FBXO25: variants seen among roughly 807,000 people sequenced by gnomAD.
FBXO25 encodes the protein F-box protein 25.
FBXO25 carries 45 observed loss-of-function variants against 51.9 expected under a neutral mutation model. The observed-to-expected ratio is 0.87, with a 90% CI of 0.68 to 1.11. The LOEUF is 1.11. Ranked by LOEUF, FBXO25 falls within the 50% of genes most tolerant of loss-of-function variation. The pLI, the probability that FBXO25 is intolerant of heterozygous loss-of-function variation, is 0.00. For missense variants in FBXO25, 507 were observed against 428.5 expected (o/e 1.18, Z -1.62); for synonymous variants, 199 against 151.0 (o/e 1.32, Z -2.33).
In FBXO25 at chr8:469,969, C is replaced by G. The variant is rs1800424963; in HGVS notation, c.*1165C>G. On this transcript the variant is annotated 3_prime_UTR_variant, in exon 10 of 10. Coordinates refer to ENST00000350302, the MANE Select transcript of FBXO25 (RefSeq NM_183420.2). The stretch of plus-strand genomic sequence containing the variant: ...GCATTTATTTGTCAAATTATAGTTT[C>G]TCCTGAGGCGATGCAAATACCTGGG... 6.6e-6 allele frequency: 1 copy of G among 152,184 alleles called. No homozygotes were observed. The highest frequency in any genetic ancestry group is 1.5e-5 in the Non-Finnish European group (1 of 68,026). The allele number at this position is 152,184 out of a possible 1,614,324, so 9.4% of individuals were successfully genotyped here.
intron 2 of FBXO25, among the ~76,000 whole-genome samples, chr8:414,875 T>G (rs942335929): frequency 2.0e-5 from 3 of 152,206 alleles, no homozygotes; most frequent in Non-Finnish European, 4.4e-5. Context: ...TCCCCCGCCC[T>G]GCTTCCTACT....
chr8:410,012 C>T (rs981119511), intron 1 of FBXO25, among the ~76,000 whole-genome samples: 10 of 152,156 alleles, frequency 6.6e-5, no homozygotes, highest in African/African-American at 1.4e-4. Context: ...TACTTATTCA[C>T]CCACCATTCC....
At chr8:442,287 ATT>A (rs57747775) in intron 5 of FBXO25, among the ~76,000 whole-genome samples, 70 of 149,012 alleles carry the variant, frequency 4.7e-4, no homozygotes, top group Non-Finnish European at 5.1e-4. Context: ...TACTCCAATT[ATT>A]TTTTTTTTTT....
In FBXO25 at chr8:476,893, G is replaced by C. The variant is rs958141762; in HGVS notation, c.*8089G>C. ...TCTAGTTCTTTCAGATGTAAATTTA[G>C]GGTTGACTTGAGATCTTAATTTGTT... On this transcript the variant is annotated 3_prime_UTR_variant, in exon 10 of 10. Coordinates refer to ENST00000350302, the MANE Select transcript of FBXO25 (RefSeq NM_183420.2). 7 of 151,980 alleles carry C rather than the reference G, an allele frequency of 4.6e-5. No homozygotes were observed. Among genetic ancestry groups the C allele is most frequent in the African/African-American group, 1.5e-4 (6 of 41,362 alleles). 9.4% of individuals were successfully genotyped at this position (151,980 alleles called of 1,614,324 possible).
chr8:466,190 G>A (rs567586341), intron 9 of FBXO25, among the ~76,000 whole-genome samples: 1 of 152,238 alleles, frequency 6.6e-6, no homozygotes, highest in Non-Finnish European at 1.5e-5. Flanking sequence ...AACCCCTCAA[G>A]ATGTCAGGTA....
Position 470,546 on chromosome 8 carries a change from T to C in FBXO25, c.*1742T>C, listed in dbSNP as rs1295012058. The C allele has an allele frequency of 6.6e-6, 1 of 151,632 alleles. No individual in the cohort carries two copies. The allele number at this position is 151,632 out of a possible 1,614,324, so 9.4% of individuals were successfully genotyped here. ...AGGCATATACCACCATGCTCAGCTGTTTTTTTGTATTTTTAGTAGAGATGG... is the reference window on the plus strand; with the variant it reads ...AGGCATATACCACCATGCTCAGCTGCTTTTTTGTATTTTTAGTAGAGATGG... On this transcript the variant is annotated 3_prime_UTR_variant, in exon 10 of 10. Transcript: ENST00000350302.
Position 474,802 on chromosome 8 carries a change from C to T in FBXO25, c.*5998C>T. 2.3e-6 allele frequency: 1 copy of T among 429,566 alleles called. No homozygotes were observed. The highest frequency in any genetic ancestry group is 1.7e-5 in the South Asian group (1 of 58,828). 26.6% of individuals were successfully genotyped at this position (429,566 alleles called of 1,614,324 possible). A position where few individuals can be genotyped will look rare whatever the true frequency, so the allele number is the denominator to read the frequency against. On this transcript the variant is annotated 3_prime_UTR_variant, in exon 10 of 10. Transcript: ENST00000350302. ...GTCCCATTCCGTGGATTGCCTTTCA[C>T]TCTGTTTTGTTCTTTGATGTACAGA...
intron 8 of FBXO25, among the ~76,000 whole-genome samples, chr8:461,423 C>T (rs909507630): frequency 2.0e-5 from 3 of 152,232 alleles, no homozygotes; most frequent in Non-Finnish European, 4.4e-5. Context: ...TCCTACATGG[C>T]AGCAGGCAAG....
At chr8:467,041 G>T (rs1463600341) in intron 9 of FBXO25, among the ~76,000 whole-genome samples, 1 of 152,162 alleles carries the variant, frequency 6.6e-6, no homozygotes, top group African/African-American at 2.4e-5. Flanking sequence ...CCACAGGCCT[G>T]TGTGGACATC....
In FBXO25 at chr8:469,059, T is replaced by C; in HGVS notation, c.*255T>C. 2.3e-6 allele frequency: 1 copy of C among 443,720 alleles called. No individual in the cohort carries two copies. Among genetic ancestry groups the C allele is most frequent in the Non-Finnish European group, 4.0e-6 (1 of 252,694 alleles). 27.5% of individuals were successfully genotyped at this position (443,720 alleles called of 1,614,324 possible). On this transcript the variant is annotated 3_prime_UTR_variant, in exon 10 of 10. Coordinates refer to ENST00000350302, the MANE Select transcript of FBXO25 (RefSeq NM_183420.2). Reference sequence around the variant, plus strand: ...TTAAAATGTGAAATTTTGCGTACTCTCTCTCTCTATATATATAGTTCAAAA... The same window carrying C: ...TTAAAATGTGAAATTTTGCGTACTCCCTCTCTCTATATATATAGTTCAAAA...
At chr8:438,420 C>G (rs1798227888) in intron 5 of FBXO25, among the ~76,000 whole-genome samples, 1 of 152,160 alleles carries the variant, frequency 6.6e-6, no homozygotes, top group African/African-American at 2.4e-5. Flanking sequence ...CAATTTTAAA[C>G]TGAGACTAAT....
At chr8:425,791 G>A (rs1797436867) in intron 2 of FBXO25, among the ~76,000 whole-genome samples, 1 of 151,728 alleles carries the variant, frequency 6.6e-6, no homozygotes, top group African/African-American at 2.4e-5. Flanking sequence ...CCATTTAATA[G>A]GTGAGCCAAG....
chr8:445,493 A>G (rs992239116), intron 5 of FBXO25, among the ~76,000 whole-genome samples: 2 of 152,248 alleles, frequency 1.3e-5, no homozygotes, highest in Admixed American at 6.5e-5. Flanking sequence ...CATGTGAGTT[A>G]TATCTATTAA....
intron 7 of FBXO25, among the ~76,000 whole-genome samples, chr8:456,264 C>T (rs183401661): frequency 2.0e-5 from 3 of 152,112 alleles, no homozygotes; most frequent in Non-Finnish European, 2.9e-5. Context: ...GGCTGGAGTG[C>T]AGTGGTTCAG....
chr8:419,248 A>G (rs1182048299), intron 2 of FBXO25, among the ~76,000 whole-genome samples: 1 of 152,072 alleles, frequency 6.6e-6, no homozygotes, highest in Non-Finnish European at 1.5e-5. Context: ...AGGTGCCTGT[A>G]ATCCCAGCTA....
chr8:444,491 T>G (rs1284199754), intron 5 of FBXO25, among the ~76,000 whole-genome samples: 1 of 152,258 alleles, frequency 6.6e-6, no homozygotes, highest in Non-Finnish European at 1.5e-5. Context: ...TCTAATTCTT[T>G]GAAATGATTA....
At chr8:422,443 G>A (rs1296113502) in intron 2 of FBXO25, among the ~76,000 whole-genome samples, 1 of 152,234 alleles carries the variant, frequency 6.6e-6, no homozygotes, top group Non-Finnish European at 1.5e-5. Flanking sequence ...ATGGTAGTGT[G>A]TCAGCTAAGT....
chr8:466,706 G>C (rs568193923), intron 9 of FBXO25, among the ~76,000 whole-genome samples: 1 of 152,274 alleles, frequency 6.6e-6, no homozygotes, highest in East Asian at 1.9e-4. Flanking sequence ...CACTTCATCT[G>C]CTCCCAAGCT....
chr8:413,288 G>T, intron 2 of FBXO25, 75 bp downstream of exon 2: 1 of 1,385,748 alleles, frequency 7.2e-7, no homozygotes, highest in Non-Finnish European at 9.4e-7. Flanking sequence ...TCAAGTCCCT[G>T]CAAAGCTCCA....
Sources: allele counts gnomAD v4.1 joint callset (sites outside exome capture counted in the v4.1 genomes callset), GRCh38; gene constraint gnomAD v4.1.1; transcripts MANE v1.5; gene names NCBI Gene and HGNC (gene_info 2026-07-23, HGNC 2026-07-21).